The following R3HDM2 variants were observed in gnomAD, a reference collection of about 807,000 sequenced individuals.
R3HDM2 encodes R3H domain containing 2.
A neutral mutation model predicts 124.5 loss-of-function variants in R3HDM2; 38 were observed. That is an observed-to-expected ratio of 0.31 (90% CI 0.24 to 0.40). The LOEUF is 0.40. R3HDM2 is among the 10% of genes least tolerant of loss of function. The probability of loss-of-function intolerance (pLI) is 1.00; values close to 1 mark genes in which losing one functional copy is unlikely to be tolerated. For missense variants in R3HDM2, 869 were observed against 1,236.9 expected, an observed-to-expected ratio of 0.70 and a Z score of 4.46; for synonymous variants, 391 against 448.0, an observed-to-expected ratio of 0.87 and a Z score of 1.61.
At chr12:57,394,430 G>A (rs1367023830) in intron 2 of R3HDM2, among the ~76,000 whole-genome samples, 6 of 152,140 alleles carry the variant, frequency 3.9e-5, no homozygotes, top group Non-Finnish European at 8.8e-5. Context: ...CCAACATGGC[G>A]AAACCCCGTC....
At chr12:57,359,389 A>T (rs1446666002) in intron 2 of R3HDM2, among the ~76,000 whole-genome samples, 1 of 152,144 alleles carries the variant, frequency 6.6e-6, no homozygotes, top group Non-Finnish European at 1.5e-5. Context: ...ATGTATAAAC[A>T]TTTATGATCA....
chr12:57,258,392 T>C (rs1229661489), intron 20 of R3HDM2, among the ~76,000 whole-genome samples: 1 of 151,924 alleles, frequency 6.6e-6, no homozygotes, highest in Non-Finnish European at 1.5e-5. Flanking sequence ...CCAGACAGGC[T>C]GGAGTGCAGT....
At chr12:57,361,640 CTG>C (rs1233271912) in intron 2 of R3HDM2, among the ~76,000 whole-genome samples, 2 of 151,722 alleles carry the variant, frequency 1.3e-5, no homozygotes, top group African/African-American at 4.8e-5. Context: ...TGTGTCATGA[CTG>C]TGCCATTATA....
chr12:57,402,603 T>C (rs910207981), intron 1 of R3HDM2, among the ~76,000 whole-genome samples: 3 of 152,012 alleles, frequency 2.0e-5, no homozygotes, highest in Admixed American at 2.0e-4. Flanking sequence ...ACCCCATCTC[T>C]ACTAAAAATA....
intron 14 of R3HDM2, among the ~76,000 whole-genome samples, chr12:57,275,645 A>G (rs1309077625): frequency 6.6e-6 from 1 of 152,208 alleles, no homozygotes; most frequent in Non-Finnish European, 1.5e-5. Context: ...CAATCCCATC[A>G]AAAAGTGGGC....
intron 2 of R3HDM2, among the ~76,000 whole-genome samples, chr12:57,311,167 C>A (rs2053825879): frequency 6.6e-6 from 1 of 152,018 alleles, no homozygotes; most frequent in African/African-American, 2.4e-5. Flanking sequence ...GCTACTCTCC[C>A]TTCAAAAAGA....
intron 2 of R3HDM2, among the ~76,000 whole-genome samples, chr12:57,373,330 C>G (rs1167866934): frequency 6.6e-6 from 1 of 151,610 alleles, no homozygotes; most frequent in African/African-American, 2.4e-5. Context: ...GAAACCCCGT[C>G]TCTACTAAAA....
chr12:57,255,634 G>A (rs796929783), intron 23 of R3HDM2, among the ~76,000 whole-genome samples: 4 of 152,142 alleles, frequency 2.6e-5, no homozygotes, highest in African/African-American at 7.2e-5. Context: ...CTTGTAGGAC[G>A]AGAGTTTCTC....
At chr12:57,256,182 AC>A (rs753405839) in intron 22 of R3HDM2, 108 bp from the exon 23 acceptor site, 1 of 1,144,428 alleles carries the variant, frequency 8.7e-7, no homozygotes, top group Non-Finnish European at 1.3e-6. Context: ...AGAGGACCCC[AC>A]CCCACTAGGC....
intron 23 of R3HDM2, among the ~76,000 whole-genome samples, 190 bp downstream of exon 23, chr12:57,255,800 C>G (rs1287495705): frequency 6.6e-6 from 1 of 152,196 alleles, no homozygotes; most frequent in Non-Finnish European, 1.5e-5. Context: ...TGATCTTCCT[C>G]AGAATCTGAG....
At chr12:57,366,853 G>T (rs189243101) in intron 2 of R3HDM2, among the ~76,000 whole-genome samples, 71 of 151,840 alleles carry the variant, frequency 4.7e-4, no homozygotes, top group African/African-American at 1.7e-3. Flanking sequence ...CCACGCCCAG[G>T]TAATTTTTTT....
At chr12:57,299,696 A>G (rs2050683044) in intron 5 of R3HDM2, among the ~76,000 whole-genome samples, 1 of 152,162 alleles carries the variant, frequency 6.6e-6, no homozygotes, top group Non-Finnish European at 1.5e-5. Flanking sequence ...AGCTCAAATT[A>G]CACAGGCCGT....
chr12:57,375,480 T>A (rs1279691197), intron 2 of R3HDM2, among the ~76,000 whole-genome samples: 1 of 152,164 alleles, frequency 6.6e-6, no homozygotes, highest in Non-Finnish European at 1.5e-5. Context: ...TGGCTATATC[T>A]CTTCATAACT....
intron 2 of R3HDM2, among the ~76,000 whole-genome samples, chr12:57,333,200 A>C (rs551091741): frequency 2.0e-5 from 3 of 152,158 alleles, no homozygotes; most frequent in Non-Finnish European, 4.4e-5. Flanking sequence ...CAATATATAC[A>C]AACAAGCTAG....
At chr12:57,303,423 C>A (rs1454526414) in intron 3 of R3HDM2, among the ~76,000 whole-genome samples, 1 of 152,016 alleles carries the variant, frequency 6.6e-6, no homozygotes, top group Non-Finnish European at 1.5e-5. Context: ...CCAATACAGT[C>A]AAATCACCAT....
At chr12:57,385,454 G>T (rs781160237) in intron 2 of R3HDM2, among the ~76,000 whole-genome samples, 1 of 151,870 alleles carries the variant, frequency 6.6e-6, no homozygotes, top group East Asian at 2.0e-4. Flanking sequence ...GTGTTAGCCA[G>T]AATGGTCTCG....
At chr12:57,327,227 G>A (rs1047426075) in intron 2 of R3HDM2, among the ~76,000 whole-genome samples, 1 of 152,078 alleles carries the variant, frequency 6.6e-6, no homozygotes, top group Non-Finnish European at 1.5e-5. Flanking sequence ...AGCACTTTGG[G>A]AGGCCAAGGC....
At chr12:57,377,162 A>G (rs1040574383) in intron 2 of R3HDM2, among the ~76,000 whole-genome samples, 3 of 151,358 alleles carry the variant, frequency 2.0e-5, no homozygotes, top group Non-Finnish European at 4.4e-5. Flanking sequence ...GTGGGCTTCC[A>G]TTCATGCTGT....
At chr12:57,363,690 T>C (rs2062229972) in intron 2 of R3HDM2, among the ~76,000 whole-genome samples, 1 of 152,150 alleles carries the variant, frequency 6.6e-6, no homozygotes, top group Non-Finnish European at 1.5e-5. Flanking sequence ...CCCATAAATA[T>C]ATACAATTAT....
Sources: gnomAD v4.1 joint callset for allele counts (sites outside exome capture counted in the v4.1 genomes callset) on GRCh38, gnomAD v4.1.1 for gene constraint, MANE v1.5 for transcripts, NCBI Gene and HGNC (gene_info 2026-07-23, HGNC 2026-07-21) for gene names.